SGCZ: variants seen among roughly 807,000 people sequenced by gnomAD.
SGCZ encodes the protein sarcoglycan zeta, also known as zeta-sarcoglycan.
In SGCZ, 40 loss-of-function variants were observed where a neutral mutation model predicts 41.3. That is an observed-to-expected ratio of 0.97 (90% CI 0.75 to 1.26). SGCZ has a LOEUF of 1.26. Ranked by LOEUF, SGCZ falls within the 50% of genes most tolerant of loss-of-function variation. The probability of loss-of-function intolerance (pLI) is 0.00; values close to 1 mark genes in which losing one functional copy is unlikely to be tolerated. For missense variants in SGCZ, 552 were observed against 369.8 expected (o/e 1.49, Z -4.04); for synonymous variants, 206 against 137.5 (o/e 1.50, Z -3.49).
chr8:14,969,930 T>A (rs750816708), intron 1 of SGCZ, among the ~76,000 whole-genome samples: 1 of 152,092 alleles, frequency 6.6e-6, no homozygotes, highest in African/African-American at 2.4e-5. Context: ...GTCAAGAAAT[T>A]GCCAAACTAT....
intron 1 of SGCZ, among the ~76,000 whole-genome samples, chr8:14,849,161 G>C (rs1172877788): frequency 6.6e-6 from 1 of 152,074 alleles, no homozygotes; most frequent in African/African-American, 2.4e-5. Context: ...TAAAATTAAA[G>C]AGACTGCTTG....
chr8:14,429,941 A>G (rs1021389333), intron 2 of SGCZ, among the ~76,000 whole-genome samples: 1 of 152,082 alleles, frequency 6.6e-6, no homozygotes, highest in African/African-American at 2.4e-5. Flanking sequence ...TAATTTGTGC[A>G]CATAAAGGTA....
At chr8:14,384,086 G>C (rs561312215) in intron 2 of SGCZ, among the ~76,000 whole-genome samples, 1 of 151,800 alleles carries the variant, frequency 6.6e-6, no homozygotes, top group African/African-American at 2.4e-5. Context: ...TTTAGCATTA[G>C]GTATGTCTCC....
intron 1 of SGCZ, among the ~76,000 whole-genome samples, chr8:15,006,731 C>A (rs534628612): frequency 9.2e-5 from 14 of 152,070 alleles, no homozygotes; most frequent in Non-Finnish European, 1.9e-4. Flanking sequence ...AAAATCTTGA[C>A]GAGATTACAT....
chr8:14,590,840 ATAT>A (rs1805216933), intron 1 of SGCZ, among the ~76,000 whole-genome samples: 1 of 148,378 alleles, frequency 6.7e-6, no homozygotes, highest in African/African-American at 2.4e-5. Flanking sequence ...ATATGTATTC[ATAT>A]TATGAATAAT....
rs1027217809 is a variant in SGCZ, at chr8:14,602,992, A to G, written c.40-48066T>C. ...GCATGCCGAAGTAGAATCAGCAGGG[A>G]AAAAAAGCCATGCTTAATCTAGGAA... On this transcript the variant is annotated intron_variant, in intron 1 of 7. Transcript: ENST00000382080. 1.5e-4 allele frequency among the ~76,000 whole-genome samples: 23 copies of G among 151,142 alleles called. 1 individual carries two copies. The highest frequency in any genetic ancestry group is 6.8e-3 in the Middle Eastern group (2 of 294).
chr8:14,467,726 C>G (rs1023264066), intron 2 of SGCZ, among the ~76,000 whole-genome samples: 2 of 152,024 alleles, frequency 1.3e-5, no homozygotes, highest in Non-Finnish European at 2.9e-5. Flanking sequence ...ACACTTCCAT[C>G]TTTCCAGAAT....
chr8:14,297,686 A>G (rs1801059848), intron 3 of SGCZ, among the ~76,000 whole-genome samples: 1 of 152,064 alleles, frequency 6.6e-6, no homozygotes. Flanking sequence ...AAACTACCAA[A>G]ACCTACATAA....
At chr8:14,295,109 T>C (rs983998499) in intron 3 of SGCZ, among the ~76,000 whole-genome samples, 9 of 152,168 alleles carry the variant, frequency 5.9e-5, no homozygotes, top group African/African-American at 2.2e-4. Context: ...TATGAAAACT[T>C]ATGTCCATAC....
chr8:14,772,436 T>C (rs1211070994), intron 1 of SGCZ, among the ~76,000 whole-genome samples: 1 of 151,964 alleles, frequency 6.6e-6, no homozygotes, highest in African/African-American at 2.4e-5. Context: ...CTTTTTTTTT[T>C]CATTATTATA....
At chr8:14,332,682 C>G (rs960060087) in intron 2 of SGCZ, 2 of 151,324 alleles carry the variant, frequency 1.3e-5, no homozygotes, top group Admixed American at 6.6e-5. Context: ...ATGAATAAAT[C>G]CAATGAGACT....
intron 6 of SGCZ, among the ~76,000 whole-genome samples, chr8:14,104,327 C>T (rs1411435531): frequency 2.0e-5 from 3 of 151,796 alleles, no homozygotes; most frequent in African/African-American, 7.3e-5. Flanking sequence ...AAGGATAGTC[C>T]CTCTACCACC....
chr8:14,119,806 T>C (rs372768014), intron 5 of SGCZ, among the ~76,000 whole-genome samples: 1 of 152,156 alleles, frequency 6.6e-6, no homozygotes, highest in African/African-American at 2.4e-5. Flanking sequence ...CTTTTCTGAA[T>C]CTATTTAGAT....
At chr8:14,101,828 T>C (rs926533350) in intron 7 of SGCZ, among the ~76,000 whole-genome samples, 2 of 151,846 alleles carry the variant, frequency 1.3e-5, no homozygotes, top group African/African-American at 4.8e-5. Context: ...TGCATATGGT[T>C]CCAGGGGAAG....
intron 1 of SGCZ, among the ~76,000 whole-genome samples, chr8:15,171,071 C>CA: frequency 6.6e-6 from 1 of 152,198 alleles, no homozygotes; most frequent in South Asian, 2.1e-4. Flanking sequence ...TAATTTAAAA[C>CA]AACAGAAACA....
In SGCZ at chr8:15,003,571, G is replaced by A. The variant is rs528565928; in HGVS notation, c.39+234014C>T. 2.0e-3 allele frequency among the ~76,000 whole-genome samples: 298 copies of A among 152,246 alleles called. 1 individual carries two copies. The highest frequency in any genetic ancestry group is 7.0e-3 in the African/African-American group (290 of 41,546). On this transcript the variant is annotated intron_variant, in intron 1 of 7. Transcript: ENST00000382080. The stretch of plus-strand genomic sequence containing the variant: ...TAAAAAGTAGAAAATGGAATGTGTT[G>A]ACTTAAATAAATAGACCAAACTATT...
intron 3 of SGCZ, among the ~76,000 whole-genome samples, chr8:14,252,411 T>C (rs988918228): frequency 6.6e-6 from 1 of 152,180 alleles, no homozygotes; most frequent in East Asian, 1.9e-4. Context: ...ATGATGTATA[T>C]ATAATTTTAA....
intron 1 of SGCZ, among the ~76,000 whole-genome samples, chr8:14,873,097 C>G (rs528882126): frequency 6.6e-6 from 1 of 152,208 alleles, no homozygotes; most frequent in South Asian, 2.1e-4. Flanking sequence ...ATTTTAATAA[C>G]AGCAGTTACT....
At chr8:15,170,274 G>T (rs2117061102) in intron 1 of SGCZ, among the ~76,000 whole-genome samples, 1 of 152,238 alleles carries the variant, frequency 6.6e-6, no homozygotes, top group East Asian at 1.9e-4. Flanking sequence ...TCCTGCTCAA[G>T]GACACATTTG....
Sources: allele counts gnomAD v4.1 joint callset (sites outside exome capture counted in the v4.1 genomes callset), GRCh38; gene constraint gnomAD v4.1.1; transcripts MANE v1.5; gene names NCBI Gene and HGNC (gene_info 2026-07-23, HGNC 2026-07-21).